The following ANKH variants were observed in gnomAD, a reference collection of about 807,000 sequenced individuals.
The protein encoded by ANKH is mineralization regulator ANKH.
In ANKH, 15 loss-of-function variants were observed where a neutral mutation model predicts 49.0. The observed-to-expected ratio is 0.31, with a 90% CI of 0.20 to 0.47. The LOEUF (loss-of-function observed/expected upper bound fraction) is 0.47. Among genes scored for constraint, ANKH ranks in the 20% least tolerant of loss-of-function variants. The pLI, the probability that ANKH is intolerant of heterozygous loss-of-function variation, is 1.00. For missense variants in ANKH, 429 were observed against 652.0 expected (o/e 0.66, Z 3.72); for synonymous variants, 273 against 260.0 (o/e 1.05, Z -0.48).
chr5:14,746,916 T>C (rs1441909726), intron 6 of ANKH, among the ~76,000 whole-genome samples: 2 of 152,252 alleles, frequency 1.3e-5, no homozygotes, highest in African/African-American at 2.4e-5. Context: ...TCCATTGCTC[T>C]GAGAAGCCAA....
At chr5:14,734,627 C>T (rs899586246) in intron 8 of ANKH, among the ~76,000 whole-genome samples, 3 of 152,142 alleles carry the variant, frequency 2.0e-5, no homozygotes, top group Admixed American at 2.0e-4. Flanking sequence ...GTGCAGGGAT[C>T]CGTGGGGCCC....
At chr5:14,845,552 G>C (rs1220091746) in intron 1 of ANKH, among the ~76,000 whole-genome samples, 1 of 152,138 alleles carries the variant, frequency 6.6e-6, no homozygotes, top group Non-Finnish European at 1.5e-5. Context: ...CCCTGCAAGA[G>C]GACTTGGGTT....
intron 8 of ANKH, among the ~76,000 whole-genome samples, chr5:14,728,827 C>A (rs1737901685): frequency 6.6e-6 from 1 of 152,200 alleles, no homozygotes; most frequent in Non-Finnish European, 1.5e-5. Flanking sequence ...GGACTCAGAA[C>A]TGACACGCCT....
chr5:14,799,181 C>G (rs755873652), intron 1 of ANKH, among the ~76,000 whole-genome samples: 1 of 152,210 alleles, frequency 6.6e-6, no homozygotes, highest in Non-Finnish European at 1.5e-5. Flanking sequence ...GGCTCTCACT[C>G]TTGAATTCCA....
rs1738367938 is a variant in ANKH, at chr5:14,741,844, T to G, written c.994A>C (p.Met332Leu). The G allele has an allele frequency of 2.5e-6, 4 of 1,613,950 alleles. No homozygotes were observed. The highest frequency in any genetic ancestry group is 3.4e-6 in the Non-Finnish European group (4 of 1,179,908). The change falls in exon 8 of 12, where the codon ATG becomes CTG. Residue 332 changes from methionine (M) to leucine (L), a missense_variant. This residue lies in a region of ANKH where 378 missense variants were observed against 615.3 expected (regional missense o/e 0.61). Coordinates refer to ENST00000284268, the MANE Select transcript of ANKH (RefSeq NM_054027.6). ...AHIKKFTFVC[M>L]ALSLTLCFVM... is the part of the protein sequence containing the mutation. ...GTCCTTACCGTGAGTGACAGAGCCA[T>G]GCAGACGAAGGTGAACTTCTTGATG... is the stretch of plus-strand genomic sequence containing the variant.
At chr5:14,820,911 G>A (rs958451561) in intron 1 of ANKH, among the ~76,000 whole-genome samples, 15 of 152,090 alleles carry the variant, frequency 9.9e-5, no homozygotes, top group African/African-American at 3.6e-4. Context: ...CAGCCTGGGC[G>A]ACATGATAAA....
chr5:14,843,472 G>C (rs572102958), intron 1 of ANKH, among the ~76,000 whole-genome samples: 1 of 145,404 alleles, frequency 6.9e-6, no homozygotes, highest in African/African-American at 2.5e-5. Context: ...CACCACGCCT[G>C]GCCAGCTCTC....
intron 8 of ANKH, among the ~76,000 whole-genome samples, chr5:14,735,221 A>G (rs147548231): frequency 1.5e-3 from 230 of 152,352 alleles, no homozygotes; most frequent in African/African-American, 5.3e-3. Flanking sequence ...CATGTTCCCC[A>G]TAAATATGTA....
intron 1 of ANKH, among the ~76,000 whole-genome samples, chr5:14,801,957 A>G (rs258226): frequency 0.63 from 95,801 of 152,096 alleles, 30,603 homozygotes; most frequent in East Asian, 0.84. Context: ...TCTGTAGACT[A>G]GGCTGCAGGA....
At chr5:14,822,144 T>C (rs1476346539) in intron 1 of ANKH, among the ~76,000 whole-genome samples, 3 of 152,178 alleles carry the variant, frequency 2.0e-5, no homozygotes, top group African/African-American at 7.2e-5. Flanking sequence ...CTAGGAGCAT[T>C]TGAAAAGTGC....
chr5:14,751,709 A>C (rs1269586055), intron 4 of ANKH, among the ~76,000 whole-genome samples: 1 of 125,240 alleles, frequency 8.0e-6, no homozygotes, highest in Non-Finnish European at 1.6e-5. Flanking sequence ...ACAACAACAA[A>C]AAAACAAACA....
chr5:14,718,839 C>CT (rs1491520738), intron 8 of ANKH, among the ~76,000 whole-genome samples: 1 of 133,826 alleles, frequency 7.5e-6, no homozygotes, highest in Admixed American at 7.6e-5. Flanking sequence ...ACCCCCCCCC[C>CT]AAAAAAAAAA....
intron 1 of ANKH, among the ~76,000 whole-genome samples, chr5:14,774,418 T>G (rs1003561502): frequency 2.0e-5 from 3 of 152,132 alleles, no homozygotes; most frequent in African/African-American, 7.2e-5. Context: ...TTATTTGTGA[T>G]TTTTTTCCCA....
At chr5:14,870,400 T>G (rs1370978275) in intron 1 of ANKH, 1 of 152,158 alleles carries the variant, frequency 6.6e-6, no homozygotes, top group African/African-American at 2.4e-5. Flanking sequence ...TAGGTGCATA[T>G]TCTAGATAAA....
At chr5:14,832,215 G>C (rs1741526149) in intron 1 of ANKH, among the ~76,000 whole-genome samples, 1 of 152,064 alleles carries the variant, frequency 6.6e-6, no homozygotes, top group Non-Finnish European at 1.5e-5. Context: ...TTACAAAGTA[G>C]GACATAATTT....
At chr5:14,734,772 A>G (rs1738120543) in intron 8 of ANKH, among the ~76,000 whole-genome samples, 1 of 152,216 alleles carries the variant, frequency 6.6e-6, no homozygotes, top group Non-Finnish European at 1.5e-5. Context: ...TCTTGGCAGA[A>G]CACGGGTGTG....
chr5:14,778,187 G>A (rs1432128753), intron 1 of ANKH, among the ~76,000 whole-genome samples: 1 of 152,212 alleles, frequency 6.6e-6, no homozygotes, highest in Non-Finnish European at 1.5e-5. Context: ...CAGTCCTGGA[G>A]GTAGCTGTGC....
chr5:14,724,623 C>A (rs375022521), intron 8 of ANKH: 4 of 980,520 alleles, frequency 4.1e-6, no homozygotes, highest in East Asian at 1.1e-4. Flanking sequence ...GGATTTGAAC[C>A]AAGACCTGCT....
At chr5:14,829,493 A>G (rs1741444327) in intron 1 of ANKH, among the ~76,000 whole-genome samples, 1 of 152,244 alleles carries the variant, frequency 6.6e-6, no homozygotes, top group Non-Finnish European at 1.5e-5. Flanking sequence ...GAGATATGAA[A>G]GAAAAAAGTG....
Sources: gnomAD v4.1 joint callset for allele counts (sites outside exome capture counted in the v4.1 genomes callset) on GRCh38, gnomAD v4.1.1 for gene constraint, gnomAD v4.1.1 regional missense constraint, MANE v1.5 for transcripts, NCBI Gene and HGNC (gene_info 2026-07-23, HGNC 2026-07-21) for gene names.